SLC22A9: variants seen among roughly 807,000 people sequenced by gnomAD.
SLC22A9 encodes the protein solute carrier family 22 member 9, also known as organic anion transporter 7.
A neutral mutation model predicts 50.1 loss-of-function variants in SLC22A9; 64 were observed. The observed-to-expected ratio is 1.28, with a 90% confidence interval of 1.04 to 1.57. The LOEUF is 1.57. Ranked by LOEUF, SLC22A9 falls within the 40% of genes most tolerant of loss-of-function variation. SLC22A9 has a pLI of 0.00. For synonymous variants in SLC22A9, 261 were observed against 242.5 expected (o/e 1.08, Z -0.71); for missense variants, 757 against 676.1 (o/e 1.12, Z -1.33).
At chr11:63,408,918 T>C (rs2015087801) in intron 9 of SLC22A9, 39 bp downstream of exon 9, 1 of 1,604,780 alleles carries the variant, frequency 6.2e-7, no homozygotes, top group African/African-American at 1.3e-5. Context: ...AGGATCTGTG[T>C]GCTATAGGTC....
rs201893329 is a variant in SLC22A9 at position 63,373,860 on chromosome 11, T to A, written c.662-34T>A. On this transcript the variant is annotated intron_variant, in intron 3 of 9. Coordinates refer to ENST00000279178, the MANE Select transcript of SLC22A9 (RefSeq NM_080866.3). ...TGACTTTGAAATTGAAACTCCACCT[T>A]TGAAGTCAAAGCCTTATCTGTTTTT... 114 of 1,607,900 alleles carry A rather than the reference T, an allele frequency of 7.1e-5. 1 individual carries two copies. The highest frequency in any genetic ancestry group is 1.1e-5 in the Non-Finnish European group (13 of 1,176,500).
chr11:63,409,738 A>G, intron 9 of SLC22A9, 64 bp from the exon 10 acceptor site: 1 of 1,514,360 alleles, frequency 6.6e-7, no homozygotes, highest in Non-Finnish European at 9.1e-7. Context: ...TGCGGGACTT[A>G]CATGTTTAGT....
chr11:63,410,257 A>AGG lies in SLC22A9; in HGVS notation c.*395_*396insGG, dbSNP rs1555017440. ...CTGTCTCAAAAAAAAAAAAAAAAAA[A>AGG]AAAGAAAGAAGGAAAGAAAGAAAGA... On this transcript the variant is annotated 3_prime_UTR_variant, in exon 10 of 10. Transcript: ENST00000279178. The AGG allele has an allele frequency of 1.8e-5, 2 of 108,486 alleles. No homozygotes were observed. Among genetic ancestry groups the AGG allele is most frequent in the African/African-American group, 8.8e-5 (2 of 22,664 alleles). The allele number at this position is 108,486 out of a possible 1,614,324, so 6.7% of individuals were successfully genotyped here. A position where few individuals can be genotyped will look rare whatever the true frequency, so the allele number is the denominator to read the frequency against.
At chr11:63,403,547 G>A (rs967881311) in intron 6 of SLC22A9, among the ~76,000 whole-genome samples, 12 of 151,952 alleles carry the variant, frequency 7.9e-5, no homozygotes, top group Non-Finnish European at 1.6e-4. Flanking sequence ...ACTGATAAAT[G>A]ACTAATGTGA....
intron 6 of SLC22A9, among the ~76,000 whole-genome samples, chr11:63,385,295 T>C (rs894456790): frequency 2.0e-5 from 3 of 152,010 alleles, no homozygotes; most frequent in African/African-American, 4.8e-5. Flanking sequence ...TCATTCCATA[T>C]AAATTTTAAA....
chr11:63,402,180 C>G (rs1433752356), intron 6 of SLC22A9, among the ~76,000 whole-genome samples: 1 of 151,974 alleles, frequency 6.6e-6, no homozygotes, highest in Non-Finnish European at 1.5e-5. Flanking sequence ...ATCATAAAAT[C>G]TTTGCCAGGG....
intron 6 of SLC22A9, among the ~76,000 whole-genome samples, chr11:63,383,553 T>C (rs553044537): frequency 6.6e-6 from 1 of 152,206 alleles, no homozygotes; most frequent in South Asian, 2.1e-4. Context: ...TAAAAGCTAG[T>C]CTGGGAAGAT....
intron 5 of SLC22A9, among the ~76,000 whole-genome samples, chr11:63,377,518 AT>A (rs2014485370): frequency 6.6e-6 from 1 of 152,156 alleles, no homozygotes; most frequent in Non-Finnish European, 1.5e-5. Context: ...GAAAACAAAG[AT>A]ATAACATACC....
At chr11:63,396,633 G>A (rs1338615949) in intron 6 of SLC22A9, among the ~76,000 whole-genome samples, 2 of 152,094 alleles carry the variant, frequency 1.3e-5, no homozygotes, top group African/African-American at 4.8e-5. Context: ...CAGTCATTCT[G>A]GAGCTAAAAT....
Position 63,371,219 on chromosome 11 carries a change from G to A in SLC22A9, c.487G>A (p.Gly163Ser). 2 of 1,612,930 alleles carry A rather than the reference G, an allele frequency of 1.2e-6. No homozygotes were observed. Among genetic ancestry groups the A allele is most frequent in the South Asian group, 1.1e-5 (1 of 91,020 alleles). The change falls in exon 2 of 10, where the codon GGC (glycine) becomes AGC (serine). Residue 163 changes from glycine (G) to serine (S), a missense_variant. By Grantham distance (56) the Gly-to-Ser change is moderately conservative. Transcript: ENST00000279178. ...TGGAATGATGGTGGGAGGCATCCTA[G>A]GCGGTCATTTATCAGACAGGTGAGT... is the stretch of plus-strand genomic sequence containing the variant. ...MAGMMVGGIL[G>S]GHLSDRFGRR...
At chr11:63,390,318 T>G (rs913502041) in intron 6 of SLC22A9, among the ~76,000 whole-genome samples, 1 of 152,180 alleles carries the variant, frequency 6.6e-6, no homozygotes, top group African/African-American at 2.4e-5. Context: ...GGTTTTACAT[T>G]TATGTCTTTT....
chr11:63,395,592 G>A (rs763683978), intron 6 of SLC22A9, among the ~76,000 whole-genome samples: 11 of 152,154 alleles, frequency 7.2e-5, no homozygotes, highest in Non-Finnish European at 1.0e-4. Context: ...CTCGGCCATG[G>A]ATACCAGCAC....
At chr11:63,372,740 TATTA>T (rs1207277327) in intron 2 of SLC22A9, among the ~76,000 whole-genome samples, 4 of 152,178 alleles carry the variant, frequency 2.6e-5, no homozygotes, top group African/African-American at 9.6e-5. Context: ...ATGTACTTTT[TATTA>T]ATTTATTTCT....
intron 8 of SLC22A9, 117 bp from the exon 9 acceptor site, chr11:63,408,559 T>C: frequency 1.1e-6 from 1 of 896,278 alleles, no homozygotes; most frequent in Non-Finnish European, 1.7e-6. Flanking sequence ...AACACAGGAG[T>C]ATTTCATCAC....
At chr11:63,382,087 T>C (rs2014573050) in intron 5 of SLC22A9, 72 bp from the exon 6 acceptor site, 3 of 1,089,176 alleles carry the variant, frequency 2.8e-6, no homozygotes, top group Admixed American at 4.4e-5. Flanking sequence ...CATCTGTGGG[T>C]TGACCAGTGC....
At chr11:63,408,990 G>C in intron 9 of SLC22A9, 111 bp downstream of exon 9, 1 of 1,197,576 alleles carries the variant, frequency 8.4e-7, no homozygotes, top group Non-Finnish European at 1.2e-6. Flanking sequence ...TTAGACTTAG[G>C]ATTTTCCCAT....
intron 6 of SLC22A9, among the ~76,000 whole-genome samples, chr11:63,405,840 T>C (rs1344345133): frequency 6.6e-6 from 1 of 152,186 alleles, no homozygotes; most frequent in Non-Finnish European, 1.5e-5. Context: ...AAGCAATTAC[T>C]TATAATAAAT....
chr11:63,378,304 G>C (rs931858634), intron 5 of SLC22A9, among the ~76,000 whole-genome samples: 1 of 151,444 alleles, frequency 6.6e-6, no homozygotes, highest in Non-Finnish European at 1.5e-5. Flanking sequence ...ACAGAGAAAA[G>C]GCTTTTAATA....
rs2014406240 is a variant in SLC22A9, at chr11:63,373,720, A to G, written c.583A>G (p.Thr195Ala). Residue 195 changes from threonine to alanine, a missense_variant, in exon 3 of 10, where the codon ACC becomes GCC. Physicochemically the swap from Thr to Ala is moderately conservative, Grantham distance 58. Transcript: ENST00000279178. ...IVGTCAALAP[T>A]FLIYCSLRFL... ...TGGCACCTGTGCAGCCTTGGCTCCC[A>G]CCTTCCTCATTTACTGCTCACTACG... The G allele has an allele frequency of 1.2e-6, 2 of 1,613,166 alleles. No homozygotes were observed. Among genetic ancestry groups the G allele is most frequent in the African/African-American group, 2.7e-5 (2 of 74,850 alleles).
Sources: gnomAD v4.1 joint callset for allele counts (sites outside exome capture counted in the v4.1 genomes callset) on GRCh38, gnomAD v4.1.1 for gene constraint, MANE v1.5 for transcripts, NCBI Gene and HGNC (gene_info 2026-07-23, HGNC 2026-07-21) for gene names.